The following OR2L13 variants were observed in gnomAD, a reference collection of about 807,000 sequenced individuals.
OR2L13 encodes the protein olfactory receptor family 2 subfamily L member 13, also known as olfactory receptor 2L13.
OR2L13 carries 14 observed loss-of-function variants against 15.3 expected under a neutral mutation model. The observed-to-expected ratio is 0.91, with a 90% CI of 0.60 to 1.43. The LOEUF (loss-of-function observed/expected upper bound fraction) is 1.43, where lower values mean the gene tolerates loss of function less well. Among genes scored for constraint, OR2L13 ranks in the 40% most tolerant of loss-of-function variants. OR2L13 has a pLI of 0.00. For missense variants in OR2L13, 367 were observed against 387.9 expected, an observed-to-expected ratio of 0.95 and a Z score of 0.45; for synonymous variants, 152 against 142.9, an observed-to-expected ratio of 1.06 and a Z score of -0.45.
chr1:247,986,958 G>T, the OR2L13 span, among the ~76,000 whole-genome samples: 1 of 152,024 alleles, frequency 6.6e-6, no homozygotes, highest in Admixed American at 6.6e-5. Flanking sequence ...ATTTATTTGT[G>T]TCTTCTTTAA....
chr1:248,077,103 G>A, the OR2L13 span, among the ~76,000 whole-genome samples: 1 of 152,074 alleles, frequency 6.6e-6, no homozygotes, highest in Non-Finnish European at 1.5e-5. Flanking sequence ...AGATAATCAT[G>A]TGGTTTTTGT....
At chr1:248,010,760 GTTGTT>G in the OR2L13 span, among the ~76,000 whole-genome samples, 3 of 31,068 alleles carry the variant, frequency 9.7e-5, no homozygotes, top group African/African-American at 3.2e-4. Context: ...CTGCTTTGTT[GTTGTT>G]TTTTTTTTTT....
the OR2L13 span, among the ~76,000 whole-genome samples, chr1:247,947,187 A>G: frequency 6.6e-6 from 1 of 152,192 alleles, no homozygotes; most frequent in Admixed American, 6.6e-5. Flanking sequence ...ATAGCAAATG[A>G]TATTTATTTT....
the OR2L13 span, among the ~76,000 whole-genome samples, chr1:247,968,334 C>A: frequency 6.6e-6 from 1 of 151,916 alleles, no homozygotes; most frequent in Non-Finnish European, 1.5e-5. Flanking sequence ...TGGGACAAGA[C>A]ATTTTTATTT....
chr1:247,978,874 G>A, the OR2L13 span, among the ~76,000 whole-genome samples: 7 of 151,982 alleles, frequency 4.6e-5, no homozygotes. Context: ...CCACAGTCTT[G>A]GTGGTCCCCT....
chr1:247,992,053 G>T, the OR2L13 span, among the ~76,000 whole-genome samples: 9 of 148,836 alleles, frequency 6.0e-5, no homozygotes, highest in South Asian at 2.1e-4. Flanking sequence ...CTTACATGTG[G>T]TTTTTTTTCT....
the OR2L13 span, among the ~76,000 whole-genome samples, chr1:248,072,596 G>A: frequency 6.6e-6 from 1 of 152,026 alleles, no homozygotes; most frequent in East Asian, 1.9e-4. Context: ...AACACCAAAA[G>A]CAATGGCAGC....
chr1:247,968,067 AAG>A, the OR2L13 span, among the ~76,000 whole-genome samples: 1 of 152,158 alleles, frequency 6.6e-6, no homozygotes, highest in Non-Finnish European at 1.5e-5. Flanking sequence ...AGAAAGGAGA[AAG>A]AGGAACAAAC....
At chr1:248,018,527 G>A in the OR2L13 span, among the ~76,000 whole-genome samples, 11 of 152,098 alleles carry the variant, frequency 7.2e-5, no homozygotes, top group African/African-American at 2.7e-4. Flanking sequence ...AATTACCAGA[G>A]GTCATAAAAT....
the OR2L13 span, chr1:248,039,194 A>G: frequency 1.2e-5 from 20 of 1,608,348 alleles, no homozygotes; most frequent in Middle Eastern, 1.7e-4. Context: ...AAATCTTCTC[A>G]GTGAAAATGT....
chr1:247,985,860 G>A, the OR2L13 span, among the ~76,000 whole-genome samples: 1 of 151,116 alleles, frequency 6.6e-6, no homozygotes, highest in East Asian at 2.0e-4. Flanking sequence ...CTGATGGACA[G>A]TGATGATAAG....
chr1:247,942,482 C>T, the OR2L13 span, among the ~76,000 whole-genome samples: 3 of 152,042 alleles, frequency 2.0e-5, no homozygotes, highest in Admixed American at 6.6e-5. Flanking sequence ...AATAATTAAA[C>T]TAGTAATATA....
the OR2L13 span, among the ~76,000 whole-genome samples, chr1:247,938,441 A>C: frequency 6.6e-6 from 1 of 152,328 alleles, no homozygotes; most frequent in Non-Finnish European, 1.5e-5. Context: ...ATATTATTGT[A>C]AGCAAGAGAA....
the OR2L13 span, among the ~76,000 whole-genome samples, chr1:247,954,494 T>A: frequency 1.8e-4 from 27 of 152,284 alleles, no homozygotes; most frequent in East Asian, 4.8e-3. Context: ...ACATTTATAT[T>A]CCTAAATCCC....
chr1:248,097,705 G>T (rs1402267087), intron 1 of OR2L13, among the ~76,000 whole-genome samples: 1 of 152,194 alleles, frequency 6.6e-6, no homozygotes, highest in Non-Finnish European at 1.5e-5. Context: ...AAGTCAGCTT[G>T]TTCAGGGCTC....
At chr1:248,003,109 G>A in the OR2L13 span, 3 of 1,141,738 alleles carry the variant, frequency 2.6e-6, no homozygotes, top group East Asian at 4.7e-5. Flanking sequence ...TCTCCCTTCC[G>A]GATGGATTGT....
the OR2L13 span, among the ~76,000 whole-genome samples, chr1:247,988,018 T>C: frequency 1.3e-5 from 2 of 152,156 alleles, no homozygotes; most frequent in Non-Finnish European, 2.9e-5. Context: ...ATAATTAAAA[T>C]TTTTAGAAGT....
the OR2L13 span, among the ~76,000 whole-genome samples, chr1:248,047,751 C>T: frequency 6.6e-6 from 1 of 152,170 alleles, no homozygotes; most frequent in East Asian, 1.9e-4. Flanking sequence ...GGCTATATTA[C>T]TCTACAGTCA....
At chr1:248,099,879 C>G in exon 3 of OR2L13, 1 of 1,614,154 alleles carries the variant, frequency 6.2e-7, no homozygotes, top group Non-Finnish European at 8.5e-7. Context: ...TTCCCTACTG[C>G]AGGTCTAGGG....
Sources: allele counts gnomAD v4.1 joint callset (sites outside exome capture counted in the v4.1 genomes callset), GRCh38; gene constraint gnomAD v4.1.1; transcripts MANE v1.5; gene names NCBI Gene and HGNC (gene_info 2026-07-23, HGNC 2026-07-21).